The following SRGAP1 variants were observed in gnomAD, a reference collection of about 807,000 sequenced individuals.
The protein encoded by SRGAP1 is SLIT-ROBO Rho GTPase-activating protein 1.
SRGAP1 carries 43 observed loss-of-function variants against 121.9 expected under a neutral mutation model. The ratio of observed to expected loss-of-function variants is 0.35; its 90% CI spans 0.28 to 0.46. SRGAP1 has a LOEUF of 0.46. Among genes scored for constraint, SRGAP1 ranks in the 20% least tolerant of loss-of-function variants. The probability of loss-of-function intolerance (pLI) is 1.00; values close to 1 mark genes in which losing one functional copy is unlikely to be tolerated. For synonymous variants in SRGAP1, 447 were observed against 485.4 expected (o/e 0.92, Z 1.04); for missense variants, 1,102 against 1,350.9 (o/e 0.82, Z 2.89).
chr12:63,860,034 C>CT lies in SRGAP1; in HGVS notation c.67+15152dup, dbSNP rs748010396. Among the ~76,000 whole-genome samples the CT allele has an allele frequency of 4.6e-5, 7 of 152,152 alleles. No individual in the cohort carries two copies. In the East Asian group the frequency reaches 1.2e-3, roughly 25 times the overall value. ...TCCTTTTATTTTTCTGGGATGGGGT[C>CT]TAACTGTGCTGCCCAGGCTAAAGTG... On this transcript the variant is annotated intron_variant, in intron 1 of 21. Coordinates refer to ENST00000355086, the MANE Select transcript of SRGAP1 (RefSeq NM_020762.4).
rs1565963901 is a variant in SRGAP1 at position 63,948,864 on chromosome 12, ATTCCATATATATATT to A, written c.68-35068_68-35054del. Among the ~76,000 whole-genome samples, 70 of 131,196 alleles carry A rather than the reference ATTCCATATATATATT, an allele frequency of 5.3e-4. 2 individuals are homozygous for A. The highest frequency in any genetic ancestry group is 2.0e-3 in the African/African-American group (69 of 34,596). The allele number at this position is 131,196 out of a possible 152,430, so 86.1% of individuals were successfully genotyped here. ...ATATATATATTTTCCATATATATAT[ATTCCATATATATATT>A]TTCCATATATATATATTCCATATAT... On this transcript the variant is annotated intron_variant, in intron 1 of 21. Transcript: ENST00000355086.
intron 4 of SRGAP1, among the ~76,000 whole-genome samples, chr12:64,041,595 G>A (rs1022301043): frequency 4.0e-5 from 6 of 151,436 alleles, no homozygotes; most frequent in Non-Finnish European, 5.9e-5. Context: ...TTGCTCAGGC[G>A]GGTCTCAAAC....
At chr12:63,965,479 TA>T (rs1438929549) in intron 1 of SRGAP1, among the ~76,000 whole-genome samples, 11 of 152,200 alleles carry the variant, frequency 7.2e-5, no homozygotes, top group African/African-American at 1.2e-4. Context: ...AATAAAAAGT[TA>T]TTTTTTTATT....
chr12:64,015,054 T>C (rs921725748), intron 3 of SRGAP1, among the ~76,000 whole-genome samples: 3 of 152,194 alleles, frequency 2.0e-5, no homozygotes, highest in Non-Finnish European at 4.4e-5. Context: ...TGGCCTCAAG[T>C]GATCTGCCTG....
At chr12:64,032,798 C>G (rs1206300120) in intron 4 of SRGAP1, 1 of 189,784 alleles carries the variant, frequency 5.3e-6, no homozygotes, top group African/African-American at 2.3e-5. Flanking sequence ...TTTGACCCAT[C>G]TAAATGTATG....
intron 3 of SRGAP1, among the ~76,000 whole-genome samples, chr12:64,007,062 T>C (rs533253969): frequency 6.0e-4 from 92 of 152,294 alleles, no homozygotes; most frequent in African/African-American, 2.1e-3. Context: ...TACAAGTTAC[T>C]GAGTGGCCTG....
intron 1 of SRGAP1, among the ~76,000 whole-genome samples, chr12:63,941,139 TATTAA>T (rs1257973496): frequency 6.6e-6 from 1 of 151,728 alleles, no homozygotes; most frequent in Admixed American, 6.6e-5. Context: ...GATAAATATA[TATTAA>T]ATTAGTCTTT....
chr12:64,015,024 C>G (rs1565640057), intron 3 of SRGAP1, among the ~76,000 whole-genome samples: 1 of 152,122 alleles, frequency 6.6e-6, no homozygotes, highest in East Asian at 1.9e-4. Context: ...ACCATGTTGT[C>G]CATACTGGTC....
intron 1 of SRGAP1, among the ~76,000 whole-genome samples, chr12:63,959,976 C>G (rs1256632288): frequency 1.3e-5 from 2 of 152,306 alleles, no homozygotes; most frequent in East Asian, 3.9e-4. Context: ...GCATTATCCC[C>G]TTTTAACTCA....
chr12:63,917,739 A>C (rs563834770), intron 1 of SRGAP1, among the ~76,000 whole-genome samples: 1 of 149,822 alleles, frequency 6.7e-6, no homozygotes, highest in Admixed American at 6.6e-5. Context: ...CAAATTTGAA[A>C]ACAGTTTATA....
chr12:64,127,729 G>A lies in SRGAP1; in HGVS notation c.2540+5G>A. The stretch of plus-strand genomic sequence containing the variant: ...TCCTGACGGCTATTTAGCCAGGTAA[G>A]TAGAGCCTGGGAATCAGGCCCCTAA... On this transcript the variant is annotated splice_donor_5th_base_variant and intron_variant, in intron 20 of 21. Coordinates refer to ENST00000355086, the MANE Select transcript of SRGAP1 (RefSeq NM_020762.4). The A allele has an allele frequency of 1.1e-5, 18 of 1,613,848 alleles. No individual in the cohort carries two copies. Among genetic ancestry groups the A allele is most frequent in the Non-Finnish European group, 1.5e-5 (18 of 1,179,876 alleles).
chr12:63,982,703 T>A (rs2033286996), intron 1 of SRGAP1: 1 of 152,220 alleles, frequency 6.6e-6, no homozygotes, highest in Non-Finnish European at 1.5e-5. Context: ...GCACGGACAC[T>A]GGGAAAGATG....
intron 2 of SRGAP1, among the ~76,000 whole-genome samples, chr12:63,985,336 A>G (rs969932864): frequency 2.0e-5 from 3 of 152,160 alleles, no homozygotes; most frequent in Non-Finnish European, 4.4e-5. Context: ...GAAGTAGTCC[A>G]GTGGGAGTGA....
Position 63,844,806 on chromosome 12 carries a change from A to G in SRGAP1, c.-11A>G, listed in dbSNP as rs749518372. ...CTTGCCCATTGAAAGCAAACCCGGA[A>G]CAGCTGGATAATGTCCACCCCGAGC... On this transcript the variant is annotated 5_prime_UTR_variant, in exon 1 of 22. Transcript: ENST00000355086. This position sits in a 1 kb window ranked among gnomAD's most constrained non-coding sequence, Gnocchi z 4.3. 15 of 1,613,714 alleles carry G rather than the reference A, an allele frequency of 9.3e-6. No individual in the cohort carries two copies. Among genetic ancestry groups the G allele is most frequent in the African/African-American group, 5.3e-5 (4 of 75,044 alleles).
At chr12:63,846,707 T>C (rs1373245586) in intron 1 of SRGAP1, among the ~76,000 whole-genome samples, 1 of 151,812 alleles carries the variant, frequency 6.6e-6, no homozygotes, top group African/African-American at 2.4e-5. Context: ...GCTTTAGGAG[T>C]CTTCACTGCA....
chr12:63,970,670 G>A (rs894272726), intron 1 of SRGAP1, among the ~76,000 whole-genome samples: 2 of 152,052 alleles, frequency 1.3e-5, no homozygotes, highest in African/African-American at 2.4e-5. Context: ...AAGGCAACTC[G>A]GATTGCATTA....
intron 21 of SRGAP1, among the ~76,000 whole-genome samples, chr12:64,128,478 C>G (rs1025373796): frequency 6.6e-6 from 1 of 152,068 alleles, no homozygotes; most frequent in African/African-American, 2.4e-5. Flanking sequence ...TTGTGAATAG[C>G]CAGAAAAACT....
At chr12:63,982,329 G>A (rs1455417590) in intron 1 of SRGAP1, among the ~76,000 whole-genome samples, 1 of 151,832 alleles carries the variant, frequency 6.6e-6, no homozygotes, top group Non-Finnish European at 1.5e-5. Flanking sequence ...CCAGTTACTG[G>A]CTAAAATCCT....
intron 1 of SRGAP1, among the ~76,000 whole-genome samples, chr12:63,853,454 G>T (rs1017496067): frequency 6.6e-6 from 1 of 152,194 alleles, no homozygotes; most frequent in Non-Finnish European, 1.5e-5. Flanking sequence ...TTAACTAACT[G>T]TATACATGCA....
Sources: gnomAD v4.1 joint callset for allele counts (sites outside exome capture counted in the v4.1 genomes callset) on GRCh38, gnomAD v4.1.1 for gene constraint, Gnocchi (gnomAD v3.1) non-coding constraint, MANE v1.5 for transcripts, NCBI Gene and HGNC (gene_info 2026-07-23, HGNC 2026-07-21) for gene names.